The following LMO1 variants were observed in gnomAD, a reference collection of about 807,000 sequenced individuals.
LMO1 encodes the protein LIM domain only 1, also known as rhombotin-1.
In LMO1, 10 loss-of-function variants were observed where a neutral mutation model predicts 18.0. That is an observed-to-expected ratio of 0.55 (90% CI 0.34 to 0.94). The LOEUF (loss-of-function observed/expected upper bound fraction) is 0.94. Among genes scored for constraint, LMO1 ranks in the 40% least tolerant of loss-of-function variants. LMO1 has a pLI of 0.02. For synonymous variants in LMO1, 77 were observed against 77.9 expected (o/e 0.99, Z 0.06); for missense variants, 183 against 205.7 (o/e 0.89, Z 0.68).
intron 1 of LMO1, among the ~76,000 whole-genome samples, chr11:8,257,949 A>G (rs892637244): frequency 2.6e-5 from 4 of 152,218 alleles, no homozygotes; most frequent in Admixed American, 2.0e-4. Context: ...TGGCTTATCA[A>G]ATGTGTACAT....
intron 1 of LMO1, among the ~76,000 whole-genome samples, chr11:8,248,436 A>G (rs971698611): frequency 2.6e-5 from 4 of 152,216 alleles, no homozygotes; most frequent in African/African-American, 4.8e-5. Flanking sequence ...AGTGGTGCCC[A>G]TGCACCACAT....
At chr11:8,245,420 A>G (rs749827335) in intron 1 of LMO1, among the ~76,000 whole-genome samples, 7 of 152,126 alleles carry the variant, frequency 4.6e-5, no homozygotes, top group Admixed American at 3.9e-4. Flanking sequence ...ATAACATTCA[A>G]CTTGTAGGGC....
chr11:8,226,206 G>A (rs555438698), intron 3 of LMO1, among the ~76,000 whole-genome samples: 159 of 152,110 alleles, frequency 1.0e-3, no homozygotes, highest in African/African-American at 3.4e-3. Context: ...TTTCAAACAC[G>A]TATACAGGCT....
chr11:8,231,162 C>T (rs1952650477), intron 1 of LMO1, among the ~76,000 whole-genome samples: 1 of 152,190 alleles, frequency 6.6e-6, no homozygotes, highest in African/African-American at 2.4e-5. Flanking sequence ...CTCACCTGCC[C>T]TGGCCTGGGG....
chr11:8,239,946 A>G (rs1412047084), intron 1 of LMO1, among the ~76,000 whole-genome samples: 1 of 152,172 alleles, frequency 6.6e-6, no homozygotes. Context: ...GCTTGTCATG[A>G]CCCTGAGTGC....
chr11:8,249,597 A>G (rs1459825448), intron 1 of LMO1, among the ~76,000 whole-genome samples: 2 of 152,174 alleles, frequency 1.3e-5, no homozygotes. Flanking sequence ...GTAACATGTA[A>G]CAAACCTGCA....
At chr11:8,226,834 C>A in intron 3 of LMO1, 141 bp downstream of exon 3, 1 of 1,392,492 alleles carries the variant, frequency 7.2e-7, no homozygotes, top group Non-Finnish European at 9.4e-7. Flanking sequence ...AGCACATGCA[C>A]GCTCATAACC....
In LMO1 at chr11:8,224,578, C is replaced by A. The variant is rs1371976872; in HGVS notation, c.*38G>T. The A allele has an allele frequency of 4.5e-6, 6 of 1,336,256 alleles. 1 individual carries two copies. In the Middle Eastern group the frequency reaches 7.3e-4, roughly 163 times the overall value. 82.8% of individuals were successfully genotyped at this position (1,336,256 alleles called of 1,614,324 possible). On this transcript the variant is annotated 3_prime_UTR_variant, in exon 4 of 4. Transcript: ENST00000335790. ...CCGGCCAGGCAGGTGGGCAGGCGGG[C>A]AGATGGACAGACGGGCCTGGAGGCC...
rs36082497 is a variant in LMO1 at position 8,236,193 on chromosome 11, A to ATT, written c.26-5691_26-5690dup. 2.6e-4 allele frequency among the ~76,000 whole-genome samples: 38 copies of ATT among 144,320 alleles called. No individual in the cohort carries two copies. The East Asian group carries it at 2.9e-3, about 11-fold the overall frequency. 94.7% of individuals were successfully genotyped at this position (144,320 alleles called of 152,430 possible). On this transcript the variant is annotated intron_variant, in intron 1 of 3. Coordinates refer to ENST00000335790, the MANE Select transcript of LMO1 (RefSeq NM_002315.3). Reference sequence around the variant, plus strand: ...CCCTGGAGGCAAGTGTAGCCTTGGTATTTTTTTTTTTTTTTAAAGACAGGG... The same window carrying ATT: ...CCCTGGAGGCAAGTGTAGCCTTGGTATTTTTTTTTTTTTTTTTAAAGACAGGG...
intron 1 of LMO1, among the ~76,000 whole-genome samples, chr11:8,232,287 GACT>G (rs1952678190): frequency 1.3e-5 from 2 of 152,210 alleles, no homozygotes; most frequent in Non-Finnish European, 2.9e-5. Flanking sequence ...GGCACAGGAT[GACT>G]CTGTCCTCGG....
chr11:8,236,641 G>A (rs539112612), intron 1 of LMO1, among the ~76,000 whole-genome samples: 5 of 152,132 alleles, frequency 3.3e-5, no homozygotes, highest in South Asian at 2.1e-4. Context: ...GCAGACACTC[G>A]CCACACAGCT....
upstream of LMO1, among the ~76,000 whole-genome samples, chr11:8,268,069 C>T (rs1460850364): frequency 6.6e-6 from 1 of 152,262 alleles, no homozygotes; most frequent in Non-Finnish European, 1.5e-5. Flanking sequence ...GCAGTGGGCA[C>T]TGCCGGGAAG....
At chr11:8,228,698 G>C (rs896944664) in intron 2 of LMO1, among the ~76,000 whole-genome samples, 14 of 151,768 alleles carry the variant, frequency 9.2e-5, no homozygotes, top group Admixed American at 2.6e-4. Context: ...AGCTGGCAGG[G>C]CCCTATATGC....
chr11:8,266,675 G>T (rs1047532410), upstream of LMO1, among the ~76,000 whole-genome samples: 10 of 152,232 alleles, frequency 6.6e-5, no homozygotes, highest in Admixed American at 3.9e-4. Flanking sequence ...CACCTGGCAG[G>T]AAAGTCCCGA....
intron 1 of LMO1, among the ~76,000 whole-genome samples, chr11:8,261,087 A>C (rs1159556095): frequency 6.6e-6 from 1 of 152,174 alleles, no homozygotes; most frequent in Non-Finnish European, 1.5e-5. Flanking sequence ...AGTGGAGTGC[A>C]GATGCATGAG....
chr11:8,263,255 C>T (rs1439063713), intron 1 of LMO1, 83 bp downstream of exon 1: 7 of 1,440,926 alleles, frequency 4.9e-6, no homozygotes, highest in East Asian at 5.0e-5. Context: ...AGGTGTGCGC[C>T]CGTGTCCCCG....
chr11:8,225,967 G>T (rs150124619), intron 3 of LMO1, among the ~76,000 whole-genome samples: 70 of 152,328 alleles, frequency 4.6e-4, no homozygotes, highest in Middle Eastern at 3.4e-3. Flanking sequence ...TAGGTCCCCA[G>T]GGACTCCCAC....
intron 1 of LMO1, among the ~76,000 whole-genome samples, chr11:8,239,841 C>T (rs74861581): frequency 0.024 from 3,726 of 152,308 alleles, 76 homozygotes; most frequent in South Asian, 0.052. Flanking sequence ...TCCAGTCTCA[C>T]CCCCAGCACC....
chr11:8,251,995 T>TGC (rs1847009478), intron 1 of LMO1, among the ~76,000 whole-genome samples: 2 of 54,530 alleles, frequency 3.7e-5, no homozygotes, highest in African/African-American at 8.1e-5. Flanking sequence ...GGGGTGTGCG[T>TGC]GTGTGTGTGT....
Sources: gnomAD v4.1 joint callset for allele counts (sites outside exome capture counted in the v4.1 genomes callset) on GRCh38, gnomAD v4.1.1 for gene constraint, MANE v1.5 for transcripts, NCBI Gene and HGNC (gene_info 2026-07-23, HGNC 2026-07-21) for gene names.